DPH6: variants seen among roughly 807,000 people sequenced by gnomAD.
DPH6 encodes the protein diphthine--ammonia ligase.
Under a neutral mutation model 38.2 loss-of-function variants are expected in DPH6, and 33 were observed. The ratio of observed to expected loss-of-function variants is 0.86; its 90% CI spans 0.65 to 1.15. The LOEUF is 1.15. Among genes scored for constraint, DPH6 ranks in the 50% most tolerant of loss-of-function variants. The pLI is 0.00. For missense variants in DPH6, 325 were observed against 320.0 expected (o/e 1.02, Z -0.12); for synonymous variants, 108 against 103.0 (o/e 1.05, Z -0.30).
At chr15:35,457,824 A>G (rs1261360730) in intron 3 of DPH6, among the ~76,000 whole-genome samples, 1 of 152,174 alleles carries the variant, frequency 6.6e-6, no homozygotes, top group Non-Finnish European at 1.5e-5. Context: ...TTCTTCTTTC[A>G]TTATTATGAT....
At chr15:35,401,281 G>C (rs1349739970) in intron 6 of DPH6, 3 of 903,864 alleles carry the variant, frequency 3.3e-6, no homozygotes, top group Non-Finnish European at 5.5e-6. Flanking sequence ...AGACAGTTTC[G>C]GTGGGAATGA....
chr15:35,186,208 T>G, the DPH6 span, among the ~76,000 whole-genome samples: 7 of 152,106 alleles, frequency 4.6e-5, no homozygotes, highest in African/African-American at 1.7e-4. Flanking sequence ...ACCTCCTAAA[T>G]TGGAAGAAAG....
intron 3 of DPH6, among the ~76,000 whole-genome samples, chr15:35,308,904 T>C (rs913614243): frequency 7.2e-5 from 11 of 152,234 alleles, no homozygotes; most frequent in African/African-American, 2.7e-4. Context: ...AGTACATTAT[T>C]GTGTTACTGG....
intron 3 of DPH6, among the ~76,000 whole-genome samples, chr15:35,345,525 A>C (rs1214498342): frequency 6.6e-6 from 1 of 151,866 alleles, no homozygotes; most frequent in African/African-American, 2.4e-5. Context: ...TTATTCTGTT[A>C]ATATGGTAAG....
intron 5 of DPH6, among the ~76,000 whole-genome samples, chr15:35,443,592 G>GA (rs1244397473): frequency 2.0e-5 from 3 of 152,138 alleles, no homozygotes; most frequent in Admixed American, 6.5e-5. Flanking sequence ...TTCCTGAGGG[G>GA]AAAAACTAGT....
At chr15:35,412,186 G>A (rs2053375172) in intron 5 of DPH6, among the ~76,000 whole-genome samples, 1 of 151,574 alleles carries the variant, frequency 6.6e-6, no homozygotes, top group Non-Finnish European at 1.5e-5. Context: ...ATTTAAAAAT[G>A]GGCAAAAGAC....
chr15:35,347,786 A>G (rs1383788260), intron 3 of DPH6, among the ~76,000 whole-genome samples: 3 of 151,884 alleles, frequency 2.0e-5, no homozygotes, highest in Non-Finnish European at 4.4e-5. Context: ...GAGGGTTCCA[A>G]TTTCTCCTCA....
intron 3 of DPH6, among the ~76,000 whole-genome samples, chr15:35,280,870 G>C (rs2051894177): frequency 6.6e-6 from 1 of 152,082 alleles, no homozygotes; most frequent in Non-Finnish European, 1.5e-5. Flanking sequence ...AGCTCATCTA[G>C]ATCATTGTTG....
intron 3 of DPH6, among the ~76,000 whole-genome samples, chr15:35,339,735 T>C (rs528879101): frequency 1.6e-4 from 24 of 152,320 alleles, no homozygotes; most frequent in Non-Finnish European, 2.6e-4. Flanking sequence ...TTGATTGTGC[T>C]GTGGTTGGAG....
chr15:35,493,167 T>C (rs1311487991), intron 3 of DPH6, among the ~76,000 whole-genome samples: 2 of 151,738 alleles, frequency 1.3e-5, no homozygotes, highest in Non-Finnish European at 1.5e-5. Flanking sequence ...TGGTCAGAAA[T>C]TGAATTTATA....
chr15:35,498,644 A>G (rs1343919381), intron 3 of DPH6, among the ~76,000 whole-genome samples: 1 of 152,168 alleles, frequency 6.6e-6, no homozygotes, highest in Non-Finnish European at 1.5e-5. Context: ...TACTGATTCA[A>G]ATATAATTCT....
At chr15:35,361,696 T>G (rs888746509) in intron 3 of DPH6, among the ~76,000 whole-genome samples, 2 of 151,748 alleles carry the variant, frequency 1.3e-5, no homozygotes, top group African/African-American at 2.4e-5. Context: ...TTCTTCTGCT[T>G]GATAAAATCT....
intron 5 of DPH6, among the ~76,000 whole-genome samples, chr15:35,443,643 G>C (rs1271081405): frequency 3.3e-5 from 5 of 152,104 alleles, no homozygotes; most frequent in African/African-American, 1.2e-4. Context: ...CCAAGGTCCT[G>C]GTCTCAACCC....
the DPH6 span, among the ~76,000 whole-genome samples, chr15:35,175,749 C>T: frequency 6.6e-6 from 1 of 152,144 alleles, no homozygotes; most frequent in Admixed American, 6.5e-5. Flanking sequence ...ATTGCATTCT[C>T]CTCTAGGAGA....
intron 6 of DPH6, among the ~76,000 whole-genome samples, chr15:35,387,170 C>G (rs953285303): frequency 1.3e-5 from 2 of 152,130 alleles, no homozygotes; most frequent in African/African-American, 4.8e-5. Context: ...GGCATTATAT[C>G]TGAGGTCTCT....
At chr15:35,472,682 T>C (rs2054213033) in intron 3 of DPH6, among the ~76,000 whole-genome samples, 1 of 151,958 alleles carries the variant, frequency 6.6e-6, no homozygotes, top group Admixed American at 6.5e-5. Flanking sequence ...AAAGATAAAA[T>C]AAAATAGACA....
chr15:35,494,898 T>C (rs2054528862), intron 3 of DPH6, among the ~76,000 whole-genome samples: 1 of 152,080 alleles, frequency 6.6e-6, no homozygotes. Context: ...TGGTAAAATA[T>C]TACAGGCTTT....
At chr15:35,206,363 AC>A in the DPH6 span, among the ~76,000 whole-genome samples, 1 of 152,276 alleles carries the variant, frequency 6.6e-6, no homozygotes, top group Middle Eastern at 3.4e-3. Flanking sequence ...CCTTATGTCC[AC>A]AGTTATATTA....
chr15:35,273,268 C>A (rs1477912667), intron 3 of DPH6, among the ~76,000 whole-genome samples: 1 of 152,078 alleles, frequency 6.6e-6, no homozygotes, highest in Non-Finnish European at 1.5e-5. Flanking sequence ...ATATACAGCA[C>A]CCAATTTGTA....
Sources: gnomAD v4.1 joint callset for allele counts (sites outside exome capture counted in the v4.1 genomes callset) on GRCh38, gnomAD v4.1.1 for gene constraint, MANE v1.5 for transcripts, NCBI Gene and HGNC (gene_info 2026-07-23, HGNC 2026-07-21) for gene names.